The following SON variants were observed in gnomAD, a reference collection of about 807,000 sequenced individuals.
The protein encoded by SON is SON DNA and RNA binding protein, also known as protein SON.
In SON, 4 loss-of-function variants were observed where a neutral mutation model predicts 173.3. The observed-to-expected ratio is 0.02, with a 90% CI of 0.01 to 0.05. The LOEUF (loss-of-function observed/expected upper bound fraction) is 0.05. SON is among the 10% of genes least tolerant of loss of function. The pLI, the probability that SON is intolerant of heterozygous loss-of-function variation, is 1.00. For synonymous variants in SON, 1,190 were observed against 1,105.9 expected (o/e 1.08, Z -1.51); for missense variants, 2,626 against 3,055.3 (o/e 0.86, Z 3.31).
rs1474382970 is a variant in SON at position 33,551,676 on chromosome 21, G to T, written c.2445G>T (p.Met815Ile). 1.2e-6 allele frequency: 2 copies of T among 1,612,306 alleles called. No homozygotes were observed. The highest frequency in any genetic ancestry group is 2.2e-5 in the East Asian group (1 of 44,880). ...CAACCAGCTCCATGGACTCCCAGAT[G>T]TTAGCAACCAGCTCCATGGACTCCC... ...MLATSSMDSQ[M>I]LATSSMDSQM... Residue 815 changes from methionine (M) to isoleucine (I), a missense_variant, in exon 3 of 12, where the codon ATG becomes ATT. Transcript: ENST00000356577.
chr21:33,552,044 G>T lies in SON; in HGVS notation c.2813G>T (p.Gly938Val), dbSNP rs1461484928. The part of the protein sequence containing the change: ...YRLGHDPYRL[G>V]HDAYRLGQDP... ...TTGGGCCATGACCCCTATAGATTAG[G>T]TCATGATGCTTACAGGTTAGGACAA... Residue 938 changes from glycine to valine, a missense_variant, in exon 3 of 12, where the codon GGT (glycine) becomes GTT (valine). Gly to Val is a moderately radical substitution (Grantham distance 109, BLOSUM62 -3). Around this residue, in one of 13 missense-constraint regions of SON, gnomAD observed 366 missense variants for 448.6 expected, o/e 0.82. Coordinates refer to ENST00000356577, the MANE Select transcript of SON (RefSeq NM_138927.4). This position sits in a 1 kb window ranked among gnomAD's most constrained non-coding sequence, Gnocchi z 5.6. 1 of 1,614,038 alleles carries T rather than the reference G, an allele frequency of 6.2e-7. No homozygotes were observed. The highest frequency in any genetic ancestry group is 8.5e-7 in the Non-Finnish European group (1 of 1,179,978).
chr21:33,572,093 A>G (rs138152669), intron 8 of SON: 5 of 151,904 alleles, frequency 3.3e-5, no homozygotes, highest in African/African-American at 1.2e-4. Flanking sequence ...ACTTATCAAT[A>G]TAGGAGATGT....
At position 33,549,616 on chromosome 21, in the gene SON, T is replaced by C. The variant is rs1311588868; in HGVS notation, c.385T>C (p.Tyr129His). The change falls in exon 3 of 12, where the codon TAT (tyrosine) becomes CAT (histidine). Residue 129 changes from tyrosine (Y) to histidine (H), a missense_variant. Physicochemically the swap from Tyr to His is moderately conservative, Grantham distance 83 (BLOSUM62 2). Transcript: ENST00000356577. ...AAAGAAGAAAGAAAAGGAAAAAAAA[T>C]ATAAAAGACAGCCAGAAGAATCTGA... ...KKKKKEKEKK[Y>H]KRQPEESESK... 2 of 1,598,022 alleles carry C rather than the reference T, an allele frequency of 1.3e-6. No individual in the cohort carries two copies. Among genetic ancestry groups the C allele is most frequent in the Non-Finnish European group, 8.5e-7 (1 of 1,175,472 alleles).
In SON at chr21:33,551,225, C is replaced by T; in HGVS notation, c.1994C>T (p.Ser665Leu). The change falls in exon 3 of 12, where the codon TCA becomes TTA. Residue 665 changes from serine (S) to leucine (L), a missense_variant. Physicochemically the swap from Ser to Leu is moderately radical, Grantham distance 145. Transcript: ENST00000356577. Reference sequence around the variant, plus strand: ...TCTGTGGTGACAACATCGGAGCTGTCAACGATGACCGTGTCGCAGTCCCTG... The same window carrying T: ...TCTGTGGTGACAACATCGGAGCTGTTAACGATGACCGTGTCGCAGTCCCTG... Reference protein sequence around the residue: ...VQSVVTTSELSTMTVSQSLEV... With the variant: ...VQSVVTTSELLTMTVSQSLEV... 1 of 1,614,120 alleles carries T rather than the reference C, an allele frequency of 6.2e-7. No individual in the cohort carries two copies. The highest frequency in any genetic ancestry group is 8.5e-7 in the Non-Finnish European group (1 of 1,179,992).
rs2085781177 is a variant in SON at position 33,551,406 on chromosome 21, A to G, written c.2175A>G (p.Ile725Met). The change falls in exon 3 of 12, where the codon ATA (isoleucine) becomes ATG (methionine). Residue 725 changes from isoleucine to methionine, a missense_variant. This residue lies in a region of SON where 182 missense variants were observed against 193.6 expected (regional missense o/e 0.94). Coordinates refer to ENST00000356577, the MANE Select transcript of SON (RefSeq NM_138927.4). Reference protein sequence around the residue: ...ILASNTMETHILASNTMDSQM... With the variant: ...ILASNTMETHMLASNTMDSQM... ...CTTCTAACACCATGGAGACCCATAT[A>G]TTAGCATCCAACACCATGGACTCCC... 1 of 1,614,146 alleles carries G rather than the reference A, an allele frequency of 6.2e-7. No homozygotes were observed. Among genetic ancestry groups the G allele is most frequent in the Non-Finnish European group, 8.5e-7 (1 of 1,180,010 alleles).
Position 33,559,799 on chromosome 21 carries a change from T to C in SON, c.6657+24T>C, listed in dbSNP as rs535050704. On this transcript the variant is annotated intron_variant, in intron 6 of 11. Coordinates refer to ENST00000356577, the MANE Select transcript of SON (RefSeq NM_138927.4). This position sits in a 1 kb window ranked among gnomAD's most constrained non-coding sequence, Gnocchi z 4.1. ...AGGTAAGTAGGAGGAATATTATGTA[T>C]TTTTCCTTTTTTATACCTGAATCTG... 6.2e-7 allele frequency: 1 copy of C among 1,608,530 alleles called. No homozygotes were observed. The highest frequency in any genetic ancestry group is 1.1e-5 in the South Asian group (1 of 90,774).
intron 6 of SON, chr21:33,560,485 C>T (rs2086052108): frequency 4.0e-6 from 4 of 1,011,740 alleles, no homozygotes; most frequent in South Asian, 4.3e-5. Context: ...TTAATAATGC[C>T]AAGTGTCAAA....
At chr21:33,564,973 TTACTACCTCAGGAAAAAC>T (rs1022611501) in intron 6 of SON, among the ~76,000 whole-genome samples, 1 of 152,198 alleles carries the variant, frequency 6.6e-6, no homozygotes, top group African/African-American at 2.4e-5. Context: ...AAATGAAGTT[TTACTACCTCAGGAAAAAC>T]ATAGTTGTAA....
chr21:33,576,239 A>C, intron 11 of SON, 126 bp from the exon 12 acceptor site: 1 of 649,830 alleles, frequency 1.5e-6, no homozygotes, highest in Admixed American at 2.5e-5. Flanking sequence ...TTGAGATTAT[A>C]ATTTGACTTA....
At chr21:33,543,868 C>T (rs934355930) in intron 1 of SON, among the ~76,000 whole-genome samples, 7 of 152,076 alleles carry the variant, frequency 4.6e-5, no homozygotes, top group Admixed American at 2.0e-4. Flanking sequence ...CTATTATTTT[C>T]TTGCTACCCC....
chr21:33,560,656 A>G (rs2086055168), intron 6 of SON: 1 of 940,034 alleles, frequency 1.1e-6, no homozygotes, highest in East Asian at 1.2e-4. Context: ...TAAACAGTTT[A>G]CTTTTATTTA....
chr21:33,573,242 A>G, intron 8 of SON, 66 bp from the exon 9 acceptor site: 1 of 1,327,196 alleles, frequency 7.5e-7, no homozygotes, highest in Non-Finnish European at 1.1e-6. Flanking sequence ...TAGAAAGTAA[A>G]CAATGAATCT....
chr21:33,577,428 CTA>C lies in SON; in HGVS notation c.*1005_*1006del, dbSNP rs1426223398. ...ACAGTGGTATTCATATGCTATGTCTCTAAACTTTATTTTCAAAAGCTTAAGGC... is the reference window on the plus strand; with the variant it reads ...ACAGTGGTATTCATATGCTATGTCTCAACTTTATTTTCAAAAGCTTAAGGC... On this transcript the variant is annotated 3_prime_UTR_variant, in exon 12 of 12. Transcript: ENST00000356577. The C allele has an allele frequency of 1.3e-5, 2 of 152,436 alleles. No individual in the cohort carries two copies. Among genetic ancestry groups the C allele is most frequent in the African/African-American group, 4.8e-5 (2 of 41,364 alleles). The allele number at this position is 152,436 out of a possible 1,614,324, so 9.4% of individuals were successfully genotyped here.
In SON at chr21:33,554,442, A is replaced by G. The variant is rs140041107; in HGVS notation, c.5211A>G (p.Leu1737=). ...ATGAAGCAGATTTAGTGAGACCGTT[A>G]CTTCCTAAGGACATGGAACGTCTTA... is the stretch of plus-strand genomic sequence containing the variant. ...DINEADLVRP[L]LPKDMERLTS... The change falls in exon 3 of 12, where the codon TTA becomes TTG. Residue 1737 remains leucine (L), a synonymous_variant. Transcript: ENST00000356577. The G allele has an allele frequency of 7.4e-4, 1,187 of 1,614,194 alleles. 9 individuals carry two copies. The African/African-American group carries it at 0.014, about 19-fold the overall frequency.
intron 9 of SON, chr21:33,575,341 T>TAG: frequency 3.2e-6 from 1 of 316,988 alleles, no homozygotes; most frequent in Non-Finnish European, 5.8e-6. Context: ...TGGCCATACT[T>TAG]AACTTTTTGT....
intron 4 of SON, chr21:33,557,558 A>G (rs1472517710): frequency 5.2e-6 from 8 of 1,550,596 alleles, no homozygotes; most frequent in East Asian, 4.9e-5. Flanking sequence ...TTAGAAGCCA[A>G]ACTGACTGAG....
rs559757590 is a variant in SON, at chr21:33,552,618, T to C, written c.3387T>C (p.Ala1129=). 6.2e-7 allele frequency: 1 copy of C among 1,614,158 alleles called. No homozygotes were observed. The highest frequency in any genetic ancestry group is 1.1e-5 in the South Asian group (1 of 91,084). The change falls in exon 3 of 12, where the codon GCT becomes GCC. Residue 1129 remains alanine, a synonymous_variant. Coordinates refer to ENST00000356577, the MANE Select transcript of SON (RefSeq NM_138927.4). The surrounding 1 kb of genome is among the most constrained non-coding windows in gnomAD (Gnocchi z 5.6). ...TADRSMMSMA[A]DSYTDSYTDT... Reference sequence around the variant, plus strand: ...ATCGTTCAATGATGTCTATGGCTGCTGATTCTTACACCGATTCTTACACTG... The same window carrying C: ...ATCGTTCAATGATGTCTATGGCTGCCGATTCTTACACCGATTCTTACACTG...
intron 9 of SON, among the ~76,000 whole-genome samples, chr21:33,574,171 G>A (rs1033602938): frequency 1.3e-5 from 2 of 152,198 alleles, no homozygotes; most frequent in Non-Finnish European, 1.5e-5. Context: ...AATAATGTAA[G>A]TGGAATCATG....
chr21:33,557,847 A>G (rs1350147564), intron 4 of SON: 1 of 503,348 alleles, frequency 2.0e-6, no homozygotes, highest in Non-Finnish European at 3.3e-6. Context: ...GGCCATTATC[A>G]GTTCTTCCTG....
Sources: gnomAD v4.1 joint callset for allele counts (sites outside exome capture counted in the v4.1 genomes callset) on GRCh38, gnomAD v4.1.1 for gene constraint, gnomAD v4.1.1 regional missense constraint, Gnocchi (gnomAD v3.1) non-coding constraint, MANE v1.5 for transcripts, NCBI Gene and HGNC (gene_info 2026-07-23, HGNC 2026-07-21) for gene names.